Variants in SERGEF observed in about 807,000 individuals in gnomAD.
SERGEF encodes secretion-regulating guanine nucleotide exchange factor.
SERGEF carries 51 observed loss-of-function variants against 50.0 expected under a neutral mutation model. That is an observed-to-expected ratio of 1.02 (90% CI 0.81 to 1.29). SERGEF has a LOEUF of 1.29. Ranked by LOEUF, SERGEF falls within the 50% of genes most tolerant of loss-of-function variation. The pLI is 0.00. For synonymous variants in SERGEF, 205 were observed against 212.4 expected (o/e 0.97, Z 0.30); for missense variants, 521 against 557.0 (o/e 0.94, Z 0.65).
intron 7 of SERGEF, among the ~76,000 whole-genome samples, chr11:17,989,721 CATGTGGCTATTAAACACTTGAA>C: frequency 6.6e-6 from 1 of 152,214 alleles, no homozygotes; most frequent in Non-Finnish European, 1.5e-5. Context: ...TCACCACCTA[CATGTGGCTATTAAACACTTGAA>C]ATGTGGCTAG....
intron 9 of SERGEF, among the ~76,000 whole-genome samples, chr11:17,896,504 A>T (rs1229620065): frequency 1.3e-5 from 2 of 149,992 alleles, no homozygotes; most frequent in African/African-American, 4.9e-5. Flanking sequence ...AAGGGAAAAA[A>T]ATGAGTGTTT....
intron 4 of SERGEF, 88 bp from the exon 5 acceptor site, chr11:18,000,645 T>C: frequency 1.1e-6 from 1 of 945,058 alleles, no homozygotes; most frequent in East Asian, 2.4e-5. Context: ...TGCAGTACGG[T>C]CCTCATTATG....
At chr11:17,906,375 T>C (rs774856671) in intron 9 of SERGEF, among the ~76,000 whole-genome samples, 34 of 152,248 alleles carry the variant, frequency 2.2e-4, no homozygotes, top group Non-Finnish European at 4.0e-4. Context: ...CCAGTCTCTG[T>C]CTTTTTTATT....
intron 10 of SERGEF, among the ~76,000 whole-genome samples, chr11:17,822,733 A>G (rs35784859): frequency 0.053 from 8,055 of 152,250 alleles, 327 homozygotes; most frequent in Non-Finnish European, 0.082. Context: ...CAGTGAAGGT[A>G]CGTCACCCCC....
chr11:17,908,245 C>T (rs552729380), intron 9 of SERGEF, among the ~76,000 whole-genome samples: 1 of 152,230 alleles, frequency 6.6e-6, no homozygotes, highest in Non-Finnish European at 1.5e-5. Flanking sequence ...ATGACCTCTC[C>T]TGTCTCATCC....
intron 9 of SERGEF, among the ~76,000 whole-genome samples, chr11:17,905,640 C>T (rs569866929): frequency 8.0e-4 from 122 of 152,252 alleles, no homozygotes; most frequent in African/African-American, 2.8e-3. Context: ...GCTCACATGA[C>T]AGGAGTCAGA....
At chr11:17,802,446 T>G (rs1374858179) in intron 10 of SERGEF, among the ~76,000 whole-genome samples, 1 of 152,168 alleles carries the variant, frequency 6.6e-6, no homozygotes, top group Non-Finnish European at 1.5e-5. Flanking sequence ...GGCTAGAGAC[T>G]TTGAGGCTGA....
At chr11:17,848,268 TAGGAAGTCAGGG>T (rs1850651098) in intron 10 of SERGEF, among the ~76,000 whole-genome samples, 1 of 152,120 alleles carries the variant, frequency 6.6e-6, no homozygotes, top group Non-Finnish European at 1.5e-5. Flanking sequence ...TGATTCCACC[TAGGAAGTCAGGG>T]AAATTTGCAG....
At chr11:17,833,614 G>A (rs1006631593) in intron 10 of SERGEF, among the ~76,000 whole-genome samples, 13 of 152,214 alleles carry the variant, frequency 8.5e-5, no homozygotes, top group East Asian at 1.9e-4. Context: ...ACCCCAGCCC[G>A]TGAAAATAAC....
intron 10 of SERGEF, among the ~76,000 whole-genome samples, chr11:17,872,930 A>G (rs978968317): frequency 2.0e-5 from 3 of 149,198 alleles, no homozygotes; most frequent in Non-Finnish European, 4.5e-5. Flanking sequence ...GGATAAAAAC[A>G]TATCTTAGTA....
chr11:17,927,988 CT>C lies in SERGEF; in HGVS notation c.1011+31481del, dbSNP rs535063144. On this transcript the variant is annotated intron_variant, in intron 9 of 10. Coordinates refer to ENST00000265965, the MANE Select transcript of SERGEF (RefSeq NM_012139.4). ...GCTGAGGAGAAAATGCTGCAAGATCCTTTTAAACTCAGCTGCAATCCATAAA... is the reference window on the plus strand; with the variant it reads ...GCTGAGGAGAAAATGCTGCAAGATCCTTTAAACTCAGCTGCAATCCATAAA... Among the ~76,000 whole-genome samples, 91 of 152,358 alleles carry C rather than the reference CT, an allele frequency of 6.0e-4. 1 individual carries two copies. In the South Asian group the frequency reaches 1.0e-2, roughly 17 times the overall value.
At chr11:17,910,422 A>T (rs554872554) in intron 9 of SERGEF, among the ~76,000 whole-genome samples, 1 of 147,416 alleles carries the variant, frequency 6.8e-6, no homozygotes, top group South Asian at 2.2e-4. Flanking sequence ...CTAATTAAAA[A>T]AAATTTTTTT....
intron 10 of SERGEF, among the ~76,000 whole-genome samples, chr11:17,817,208 C>T (rs907689616): frequency 2.1e-5 from 3 of 141,332 alleles, no homozygotes; most frequent in Non-Finnish European, 4.5e-5. Context: ...AAGCACTTTC[C>T]ATGTATTTTT....
chr11:17,870,084 G>GGGGCTC (rs1353521461), intron 10 of SERGEF, among the ~76,000 whole-genome samples: 2 of 152,172 alleles, frequency 1.3e-5, no homozygotes, highest in African/African-American at 4.8e-5. Flanking sequence ...GGTTTTATAA[G>GGGGCTC]GGGCTCTTCC....
intron 4 of SERGEF, chr11:18,000,901 C>T: frequency 2.1e-6 from 1 of 466,820 alleles, no homozygotes; most frequent in South Asian, 1.6e-5. Context: ...CTCAGCTGTG[C>T]CATTGTAACA....
intron 9 of SERGEF, among the ~76,000 whole-genome samples, chr11:17,934,019 G>A (rs899001506): frequency 2.0e-5 from 3 of 152,002 alleles, no homozygotes; most frequent in African/African-American, 2.4e-5. Context: ...TCTCTGCAGC[G>A]TTCAGTGTCA....
intron 10 of SERGEF, chr11:17,856,673 T>C (rs1299440414): frequency 1.3e-5 from 2 of 152,206 alleles, no homozygotes; most frequent in Non-Finnish European, 2.9e-5. Context: ...ACAGGTATAA[T>C]AATAGTACCT....
At chr11:17,805,633 A>C (rs1213343859) in intron 10 of SERGEF, among the ~76,000 whole-genome samples, 2 of 152,226 alleles carry the variant, frequency 1.3e-5, no homozygotes, top group Admixed American at 6.5e-5. Context: ...TTCAACTCCA[A>C]GCCTAGTATT....
chr11:17,945,202 C>T (rs1410250031), intron 9 of SERGEF, among the ~76,000 whole-genome samples: 1 of 152,226 alleles, frequency 6.6e-6, no homozygotes, highest in East Asian at 1.9e-4. Context: ...TTTCTATATG[C>T]CGCCTAGGTA....
Sources: gnomAD v4.1 joint callset for allele counts (sites outside exome capture counted in the v4.1 genomes callset) on GRCh38, gnomAD v4.1.1 for gene constraint, MANE v1.5 for transcripts, NCBI Gene and HGNC (gene_info 2026-07-23, HGNC 2026-07-21) for gene names.